The following SPAG9 variants were observed in gnomAD, a reference collection of about 807,000 sequenced individuals.
SPAG9 encodes the protein sperm associated antigen 9.
A neutral mutation model predicts 166.5 loss-of-function variants in SPAG9; 35 were observed. The ratio of observed to expected loss-of-function variants is 0.21; its 90% CI spans 0.16 to 0.28. The LOEUF (loss-of-function observed/expected upper bound fraction) is 0.28. SPAG9 is among the 10% of genes least tolerant of loss of function. SPAG9 has a pLI of 1.00. For synonymous variants in SPAG9, 534 were observed against 565.5 expected (o/e 0.94, Z 0.79); for missense variants, 1,235 against 1,603.3 (o/e 0.77, Z 3.92).
chr17:51,043,183 C>T (rs2046905056), intron 4 of SPAG9, among the ~76,000 whole-genome samples: 1 of 152,148 alleles, frequency 6.6e-6, no homozygotes, highest in Admixed American at 6.5e-5. Flanking sequence ...AGCCACCACA[C>T]CTGGCCAAGA....
At chr17:51,017,331 C>A (rs2045741121) in intron 8 of SPAG9, among the ~76,000 whole-genome samples, 1 of 152,098 alleles carries the variant, frequency 6.6e-6, no homozygotes. Flanking sequence ...GAAGGAGGGG[C>A]AGGACGAACA....
chr17:50,969,125 G>A (rs1973580791), intron 29 of SPAG9, among the ~76,000 whole-genome samples: 1 of 152,002 alleles, frequency 6.6e-6, no homozygotes, highest in African/African-American at 2.4e-5. Context: ...TAGAGACTGG[G>A]TTTAGCCACT....
intron 2 of SPAG9, among the ~76,000 whole-genome samples, chr17:51,063,174 C>T (rs924395035): frequency 2.6e-5 from 4 of 151,994 alleles, no homozygotes; most frequent in Non-Finnish European, 4.4e-5. Context: ...TTTGGGAAGC[C>T]GAGGCAGGCG....
In SPAG9 at chr17:50,963,173, G is replaced by A. The variant is rs1279351398; in HGVS notation, c.*3099C>T. 5 of 152,148 alleles carry A rather than the reference G, an allele frequency of 3.3e-5. No homozygotes were observed. Among genetic ancestry groups the A allele is most frequent in the African/African-American group, 1.2e-4 (5 of 41,412 alleles). 9.4% of individuals were successfully genotyped at this position (152,148 alleles called of 1,614,324 possible). A position where few individuals can be genotyped will look rare whatever the true frequency, so the allele number is the denominator to read the frequency against. On this transcript the variant is annotated 3_prime_UTR_variant, in exon 30 of 30. Coordinates refer to ENST00000262013, the MANE Select transcript of SPAG9 (RefSeq NM_001130528.3). ...ACATGACTCAAGTGTAAAAAAAGGA[G>A]AAACCTTCAAGTATTCCTTATTTCT... is the stretch of plus-strand genomic sequence containing the variant.
At chr17:51,031,445 A>G (rs1206665075) in intron 6 of SPAG9, 2 of 532,196 alleles carry the variant, frequency 3.8e-6, no homozygotes, top group Non-Finnish European at 6.7e-6. Context: ...GAATTTACTT[A>G]TATTTTCTTT....
intron 29 of SPAG9, among the ~76,000 whole-genome samples, chr17:50,968,371 A>G (rs1307206839): frequency 3.3e-5 from 5 of 152,194 alleles, no homozygotes; most frequent in African/African-American, 1.2e-4. Flanking sequence ...CAAACTGCCT[A>G]CTGCCTTATG....
chr17:51,076,971 A>G lies in SPAG9; in HGVS notation c.424+2613T>C, dbSNP rs189382344. Among the ~76,000 whole-genome samples, 220 of 146,880 alleles carry G rather than the reference A, an allele frequency of 1.5e-3. 1 individual carries two copies. Among genetic ancestry groups the G allele is most frequent in the Non-Finnish European group, 2.5e-3 (169 of 66,446 alleles). On this transcript the variant is annotated intron_variant, in intron 2 of 29. Transcript: ENST00000262013. ...GGCAACATAATGAGATCTTGTCTCT[A>G]TCTATCTATCTTATCTAGCTATCTA...
intron 3 of SPAG9, among the ~76,000 whole-genome samples, chr17:51,053,627 G>A (rs551375770): frequency 7.1e-4 from 107 of 151,374 alleles, no homozygotes; most frequent in African/African-American, 2.5e-3. Context: ...GGAGGTTGCA[G>A]TGAGCTGAGA....
intron 9 of SPAG9, among the ~76,000 whole-genome samples, chr17:51,009,998 T>C (rs2045399001): frequency 6.6e-6 from 1 of 152,112 alleles, no homozygotes; most frequent in African/African-American, 2.4e-5. Flanking sequence ...TATTCAAGAC[T>C]TAAATGAAGC....
At chr17:50,980,018 G>A in intron 25 of SPAG9, 101 bp from the exon 26 acceptor site, 1 of 991,012 alleles carries the variant, frequency 1.0e-6, no homozygotes, top group East Asian at 2.6e-5. Flanking sequence ...TAAAAGACAA[G>A]CCCAAATATT....
At chr17:51,012,004 C>G (rs1237301491) in intron 9 of SPAG9, among the ~76,000 whole-genome samples, 1 of 152,160 alleles carries the variant, frequency 6.6e-6, no homozygotes, top group East Asian at 1.9e-4. Flanking sequence ...TGAGGTAACA[C>G]AGTGTACAAA....
chr17:51,006,355 C>T (rs769594045), intron 10 of SPAG9, 118 bp from the exon 11 acceptor site: 6 of 929,106 alleles, frequency 6.5e-6, no homozygotes, highest in Non-Finnish European at 9.5e-6. Context: ...TACTTCAAGA[C>T]ATTCTACCCA....
At chr17:51,093,416 G>C (rs1728334135) in intron 1 of SPAG9, among the ~76,000 whole-genome samples, 2 of 150,614 alleles carry the variant, frequency 1.3e-5, no homozygotes, top group Admixed American at 1.3e-4. Flanking sequence ...AATTATAATA[G>C]ATCTGGCCAG....
intron 1 of SPAG9, among the ~76,000 whole-genome samples, chr17:51,087,730 A>G (rs954677477): frequency 1.3e-5 from 2 of 151,930 alleles, no homozygotes; most frequent in African/African-American, 2.4e-5. Context: ...TTTAATTTTT[A>G]ATTTTCATTT....
chr17:51,014,436 T>C, intron 8 of SPAG9, 83 bp from the exon 9 acceptor site: 5 of 1,138,278 alleles, frequency 4.4e-6, no homozygotes, highest in South Asian at 2.4e-5. Flanking sequence ...TAGGCTAAGC[T>C]ACATAGGACT....
intron 3 of SPAG9, among the ~76,000 whole-genome samples, chr17:51,051,453 C>T (rs1259104263): frequency 6.6e-6 from 1 of 152,126 alleles, no homozygotes; most frequent in Non-Finnish European, 1.5e-5. Flanking sequence ...GGTGCTGTGG[C>T]TCACACATGT....
At position 51,056,458 on chromosome 17, in the gene SPAG9, G is replaced by C; in HGVS notation, c.449C>G (p.Ala150Gly). 6.2e-7 allele frequency: 1 copy of C among 1,607,748 alleles called. No individual in the cohort carries two copies. The highest frequency in any genetic ancestry group is 8.5e-7 in the Non-Finnish European group (1 of 1,174,816). The change falls in exon 3 of 30, where the codon GCA (alanine) becomes GGA (glycine). Residue 150 changes from alanine to glycine, a missense_variant. Physicochemically the swap from Ala to Gly is moderately conservative, Grantham distance 60 (BLOSUM62 0). Transcript: ENST00000262013. ...DQISRLEERE[A>G]ELKKEYNALH... ...TGCATTATATTCCTTCTTCAGTTCT[G>C]CTTCTCTTTCTTCAAGTCTGCTAAC...
chr17:51,053,853 AAGTATATATAT>A lies in SPAG9; in HGVS notation c.495+2548_495+2558del, dbSNP rs1401877575. Among the ~76,000 whole-genome samples the A allele has an allele frequency of 4.6e-4, 26 of 56,150 alleles. No homozygotes were observed. In the East Asian group the frequency reaches 5.8e-3, roughly 13 times the overall value. The allele number at this position is 56,150 out of a possible 152,430, so 36.8% of individuals were successfully genotyped here. On this transcript the variant is annotated intron_variant, in intron 3 of 29. Transcript: ENST00000262013. ...ACCCTAATTAAAAAAAAAAAAAAAA[AAGTATATATAT>A]ATATATATATATATATATATATATA...
At chr17:51,096,213 G>A (rs536775164) in intron 1 of SPAG9, among the ~76,000 whole-genome samples, 9 of 151,578 alleles carry the variant, frequency 5.9e-5, no homozygotes, top group Middle Eastern at 3.4e-3. Flanking sequence ...AGACATGGAG[G>A]AGGCATGCAC....
Sources: allele counts gnomAD v4.1 joint callset (sites outside exome capture counted in the v4.1 genomes callset), GRCh38; gene constraint gnomAD v4.1.1; transcripts MANE v1.5; gene names NCBI Gene and HGNC (gene_info 2026-07-23, HGNC 2026-07-21).